NBAS: variants seen among roughly 807,000 people sequenced by gnomAD.
NBAS encodes NAG/BC035112 fusion.
Under a neutral mutation model 302.5 loss-of-function variants are expected in NBAS, and 219 were observed. That is an observed-to-expected ratio of 0.72 (90% CI 0.65 to 0.81). The LOEUF (loss-of-function observed/expected upper bound fraction) is 0.81. Ranked by LOEUF, NBAS falls within the 30% of genes least tolerant of loss-of-function variation. NBAS has a pLI of 0.00. For missense variants in NBAS, 2,932 were observed against 2,841.6 expected, an observed-to-expected ratio of 1.03 and a Z score of -0.72; for synonymous variants, 1,118 against 1,021.6, an observed-to-expected ratio of 1.09 and a Z score of -1.80.
intron 21 of NBAS, among the ~76,000 whole-genome samples, chr2:15,435,757 A>G (rs991137593): frequency 2.0e-5 from 3 of 152,178 alleles, no homozygotes; most frequent in African/African-American, 4.8e-5. Context: ...CTCACTACTT[A>G]TCTGGACAAC....
At chr2:15,437,600 C>T (rs921731473) in intron 21 of NBAS, among the ~76,000 whole-genome samples, 3 of 152,162 alleles carry the variant, frequency 2.0e-5, no homozygotes, top group African/African-American at 7.2e-5. Context: ...GTCTAACACA[C>T]TTTAGTGTTG....
At chr2:14,790,711 G>A in the NBAS span, among the ~76,000 whole-genome samples, 1 of 150,474 alleles carries the variant, frequency 6.6e-6, no homozygotes, top group Non-Finnish European at 1.5e-5. Flanking sequence ...GAGTGCAACG[G>A]TGCGATCTCG....
the NBAS span, among the ~76,000 whole-genome samples, chr2:14,921,843 T>C: frequency 6.6e-6 from 1 of 152,248 alleles, no homozygotes; most frequent in East Asian, 1.9e-4. Flanking sequence ...TTATACATTT[T>C]TTTTACAGAC....
chr2:14,843,606 A>C, the NBAS span, among the ~76,000 whole-genome samples: 1 of 148,796 alleles, frequency 6.7e-6, no homozygotes, highest in Non-Finnish European at 1.5e-5. Flanking sequence ...AAGGACCAAA[A>C]ATCAGGTGAG....
At chr2:15,020,209 A>T in the NBAS span, among the ~76,000 whole-genome samples, 1 of 152,216 alleles carries the variant, frequency 6.6e-6, no homozygotes, top group East Asian at 1.9e-4. Context: ...TATTCCAAAA[A>T]GGTTGAAGAT....
chr2:15,307,073 C>T (rs1671065168), intron 40 of NBAS, among the ~76,000 whole-genome samples: 1 of 152,164 alleles, frequency 6.6e-6, no homozygotes, highest in African/African-American at 2.4e-5. Flanking sequence ...GATGACAGGA[C>T]CCCGAAGCTA....
At chr2:15,206,674 C>A (rs1024298279) in intron 48 of NBAS, among the ~76,000 whole-genome samples, 1 of 152,204 alleles carries the variant, frequency 6.6e-6, no homozygotes, top group Non-Finnish European at 1.5e-5. Flanking sequence ...TCCAGCCACT[C>A]AGGCTCCAGC....
At position 15,554,160 on chromosome 2, in the gene NBAS, T is replaced by A. The variant is rs766650674; in HGVS notation, c.210-22A>T. ...CGGGCTGAAATCACAACACATTAGTTAGCTTAAAATCTAATCATGAAAACC... is the reference window on the plus strand; with the variant it reads ...CGGGCTGAAATCACAACACATTAGTAAGCTTAAAATCTAATCATGAAAACC... On this transcript the variant is annotated intron_variant, in intron 3 of 51. Coordinates refer to ENST00000281513, the MANE Select transcript of NBAS (RefSeq NM_015909.4). 8.8e-6 allele frequency: 14 copies of A among 1,598,928 alleles called. No homozygotes were observed. In the East Asian group the frequency reaches 3.1e-4, roughly 36 times the overall value.
At chr2:14,999,461 T>A in the NBAS span, among the ~76,000 whole-genome samples, 278 of 152,220 alleles carry the variant, frequency 1.8e-3, 1 homozygote, top group African/African-American at 6.5e-3. Flanking sequence ...TGGGAGGTGA[T>A]TGCGTCATGG....
chr2:15,049,798 AG>A, the NBAS span, among the ~76,000 whole-genome samples: 1 of 152,182 alleles, frequency 6.6e-6, no homozygotes, highest in Non-Finnish European at 1.5e-5. Flanking sequence ...CCACTGAGCC[AG>A]GGGAGCTTCC....
chr2:15,451,115 G>A (rs76323942), intron 21 of NBAS, among the ~76,000 whole-genome samples: 1,965 of 152,090 alleles, frequency 0.013, 32 homozygotes, highest in East Asian at 0.06. Context: ...ACAGTGGAGC[G>A]GTCACAGCTG....
At chr2:15,014,854 G>A in the NBAS span, among the ~76,000 whole-genome samples, 1 of 151,712 alleles carries the variant, frequency 6.6e-6, no homozygotes, top group Non-Finnish European at 1.5e-5. Context: ...CAAAAAGTTG[G>A]TTTATTGAAA....
intron 48 of NBAS, among the ~76,000 whole-genome samples, chr2:15,215,834 G>C (rs570435824): frequency 1.4e-4 from 21 of 152,254 alleles, no homozygotes; most frequent in African/African-American, 5.1e-4. Context: ...GGTAGAGGGA[G>C]GATGGTCACA....
At chr2:14,988,718 A>C in the NBAS span, among the ~76,000 whole-genome samples, 1 of 152,228 alleles carries the variant, frequency 6.6e-6, no homozygotes, top group Non-Finnish European at 1.5e-5. Context: ...ATTGGTCATA[A>C]AATAAATACA....
At chr2:15,462,385 AC>A (rs773380672) in intron 19 of NBAS, among the ~76,000 whole-genome samples, 3 of 152,178 alleles carry the variant, frequency 2.0e-5, no homozygotes, top group Non-Finnish European at 4.4e-5. Flanking sequence ...GAAGTGGCCC[AC>A]AAGCTGAAAC....
intron 48 of NBAS, among the ~76,000 whole-genome samples, chr2:15,194,778 T>C (rs1665538738): frequency 6.6e-6 from 1 of 152,030 alleles, no homozygotes; most frequent in Non-Finnish European, 1.5e-5. Flanking sequence ...AATATGGAGG[T>C]GAGATTTCCA....
At chr2:14,931,736 C>G in the NBAS span, among the ~76,000 whole-genome samples, 1 of 152,124 alleles carries the variant, frequency 6.6e-6, no homozygotes, top group East Asian at 1.9e-4. Context: ...TTGTGTGAGG[C>G]CCCAACAGGA....
At chr2:14,911,308 G>A in the NBAS span, among the ~76,000 whole-genome samples, 1 of 152,170 alleles carries the variant, frequency 6.6e-6, no homozygotes. Flanking sequence ...ATTTGACCTT[G>A]AACAAATTAC....
chr2:15,165,152 C>T (rs1350368977), downstream of NBAS, among the ~76,000 whole-genome samples: 1 of 152,240 alleles, frequency 6.6e-6, no homozygotes, highest in Non-Finnish European at 1.5e-5. Flanking sequence ...CAGAATATTG[C>T]TCACTCAATG....
Sources: allele counts gnomAD v4.1 joint callset (sites outside exome capture counted in the v4.1 genomes callset), GRCh38; gene constraint gnomAD v4.1.1; transcripts MANE v1.5; gene names NCBI Gene and HGNC (gene_info 2026-07-23, HGNC 2026-07-21).